Variants in ELMO1 observed in about 807,000 individuals in gnomAD.
The protein encoded by ELMO1 is engulfment and cell motility protein 1.
A neutral mutation model predicts 98.9 loss-of-function variants in ELMO1; 26 were observed. The observed-to-expected ratio is 0.26, with a 90% CI of 0.19 to 0.36. The LOEUF (loss-of-function observed/expected upper bound fraction) is 0.36. Among genes scored for constraint, ELMO1 ranks in the 10% least tolerant of loss-of-function variants. The pLI is 1.00. For missense variants in ELMO1, 627 were observed against 935.2 expected, an observed-to-expected ratio of 0.67 and a Z score of 4.30; for synonymous variants, 346 against 346.0, an observed-to-expected ratio of 1.00 and a Z score of 0.00.
chr7:36,870,762 C>T lies in ELMO1; in HGVS notation c.1823-287G>A, dbSNP rs571138461. Among the ~76,000 whole-genome samples the T allele has an allele frequency of 4.0e-4, 61 of 152,318 alleles. No homozygotes were observed. Among genetic ancestry groups the T allele is most frequent in the Non-Finnish European group, 4.3e-4 (29 of 68,038 alleles). ...ACCTAAAAAAACACCCATCATAGTA[C>T]TGTTTGAAGTCATGGCATTAGAAGC... On this transcript the variant is annotated intron_variant, in intron 19 of 21. Transcript: ENST00000310758. This position sits in a 1 kb window ranked among gnomAD's most constrained non-coding sequence, Gnocchi z 4.4.
At chr7:37,172,453 G>GACATCCTT (rs1790229547) in intron 13 of ELMO1, among the ~76,000 whole-genome samples, 1 of 152,126 alleles carries the variant, frequency 6.6e-6, no homozygotes, top group African/African-American at 2.4e-5. Context: ...GACATTTCAA[G>GACATCCTT]ACATCCTTCA....
Position 37,210,777 on chromosome 7 carries a change from GTCAC to G in ELMO1, c.1086+605_1086+608del, listed in dbSNP as rs1432514299. On this transcript the variant is annotated intron_variant, in intron 13 of 21. Transcript: ENST00000310758. ...CTGCAGAATTTGATATTAGCCGAAG[GTCAC>G]TCAGAGACTTCATGGGGAGAAAATC... Among the ~76,000 whole-genome samples the G allele has an allele frequency of 2.6e-5, 4 of 152,088 alleles. No homozygotes were observed. In the South Asian group the frequency reaches 6.2e-4, roughly 24 times the overall value.
intron 16 of ELMO1, among the ~76,000 whole-genome samples, chr7:36,970,116 T>A (rs929628317): frequency 1.3e-5 from 2 of 151,868 alleles, no homozygotes; most frequent in Non-Finnish European, 2.9e-5. Flanking sequence ...GTATTCATTT[T>A]TCAGGCTCTC....
chr7:37,143,535 T>C (rs1787776991), intron 13 of ELMO1, among the ~76,000 whole-genome samples: 1 of 151,416 alleles, frequency 6.6e-6, no homozygotes, highest in African/African-American at 2.4e-5. Context: ...GCCTCCTGAG[T>C]AGCTGGGACT....
chr7:37,204,285 T>G (rs1369798074), intron 13 of ELMO1: 3 of 451,086 alleles, frequency 6.7e-6, no homozygotes, highest in South Asian at 1.6e-5. Flanking sequence ...GTTTGTTCCT[T>G]CTGATGTTCG....
intron 16 of ELMO1, among the ~76,000 whole-genome samples, chr7:36,956,042 A>G (rs189867258): frequency 4.3e-4 from 66 of 152,288 alleles, no homozygotes; most frequent in Middle Eastern, 3.4e-3. Context: ...CTAGGTCTTA[A>G]CACAGTGTCG....
At chr7:37,368,020 T>A (rs1255912469) in intron 1 of ELMO1, among the ~76,000 whole-genome samples, 1 of 152,200 alleles carries the variant, frequency 6.6e-6, no homozygotes, top group Non-Finnish European at 1.5e-5. Flanking sequence ...AAATTAGGAA[T>A]GGCAGAAAGC....
At chr7:37,040,256 CA>C (rs1795427524) in intron 15 of ELMO1, among the ~76,000 whole-genome samples, 2 of 152,102 alleles carry the variant, frequency 1.3e-5, no homozygotes, top group African/African-American at 4.8e-5. Context: ...CCTCAAAGCA[CA>C]AAACTAAATA....
At chr7:37,360,588 G>A (rs150338655) in intron 1 of ELMO1, among the ~76,000 whole-genome samples, 21 of 152,174 alleles carry the variant, frequency 1.4e-4, no homozygotes, top group Non-Finnish European at 2.1e-4. Flanking sequence ...GGTAGTCCTC[G>A]GTATACCCAG....
At chr7:37,297,804 C>T (rs952787867) in intron 4 of ELMO1, among the ~76,000 whole-genome samples, 2 of 152,108 alleles carry the variant, frequency 1.3e-5, no homozygotes, top group African/African-American at 4.8e-5. Context: ...CTTGTTTAAT[C>T]CTCATTATAT....
rs989870007 is a variant in ELMO1 at position 37,240,962 on chromosome 7, C to T, written c.449+3394G>A. On this transcript the variant is annotated intron_variant, in intron 7 of 21. Coordinates refer to ENST00000310758, the MANE Select transcript of ELMO1 (RefSeq NM_014800.11). ...ATTGAGTCTGATGCTTTATAAATGA[C>T]AATTAAGGCAAGACCTTTGATAGTG... is the stretch of plus-strand genomic sequence containing the variant. Among the ~76,000 whole-genome samples the T allele has an allele frequency of 4.6e-5, 7 of 152,122 alleles. No homozygotes were observed. In the East Asian group the frequency reaches 9.6e-4, roughly 21 times the overall value.
At chr7:37,327,149 C>G (rs559050237) in intron 2 of ELMO1, among the ~76,000 whole-genome samples, 1 of 152,338 alleles carries the variant, frequency 6.6e-6, no homozygotes, top group South Asian at 2.1e-4. Flanking sequence ...TGACTCTAGA[C>G]GCACAGAAGG....
chr7:36,920,986 T>C (rs1205623812), intron 16 of ELMO1, among the ~76,000 whole-genome samples: 1 of 152,186 alleles, frequency 6.6e-6, no homozygotes, highest in East Asian at 1.9e-4. Context: ...GATTAGGTCA[T>C]GAAGATTCTG....
intron 15 of ELMO1, among the ~76,000 whole-genome samples, chr7:37,092,464 C>T (rs953009965): frequency 4.0e-5 from 6 of 149,464 alleles, no homozygotes; most frequent in South Asian, 4.2e-4. Flanking sequence ...CTGCAAGCTC[C>T]GCCTCCCAGG....
At chr7:37,033,046 ATG>A (rs1794964039) in intron 15 of ELMO1, among the ~76,000 whole-genome samples, 1 of 152,174 alleles carries the variant, frequency 6.6e-6, no homozygotes, top group South Asian at 2.1e-4. Context: ...ATATTTCTGA[ATG>A]TGTTTTTCCT....
At chr7:37,398,691 T>C (rs1191329313) in intron 1 of ELMO1, among the ~76,000 whole-genome samples, 1 of 152,062 alleles carries the variant, frequency 6.6e-6, no homozygotes, top group Admixed American at 6.5e-5. Flanking sequence ...TCATCCTAAG[T>C]TTTCTGCTGC....
In ELMO1 at chr7:36,955,518, A is replaced by T. The variant is rs114267437; in HGVS notation, c.1437+57781T>A. Among the ~76,000 whole-genome samples, 461 of 152,354 alleles carry T rather than the reference A, an allele frequency of 3.0e-3. 2 individuals are homozygous for T. Among genetic ancestry groups the T allele is most frequent in the African/African-American group, 0.011 (441 of 41,574 alleles). On this transcript the variant is annotated intron_variant, in intron 16 of 21. Coordinates refer to ENST00000310758, the MANE Select transcript of ELMO1 (RefSeq NM_014800.11). ...TCCAATTCTGCATTATTTCAGTACA[A>T]TAATCTGATTTCTGAATATCTTGGA...
rs138030712 is a variant in ELMO1, at chr7:36,963,144, G to A, written c.1437+50155C>T. ...TCACGCCTGTAATCCCAGCACTTTGGGAGGCCGAGGTGGGCAGATCACGAG... is the reference window on the plus strand; with the variant it reads ...TCACGCCTGTAATCCCAGCACTTTGAGAGGCCGAGGTGGGCAGATCACGAG... On this transcript the variant is annotated intron_variant, in intron 16 of 21. Transcript: ENST00000310758. 4.1e-3 allele frequency among the ~76,000 whole-genome samples: 621 copies of A among 152,170 alleles called. 2 individuals carry two copies. Among genetic ancestry groups the A allele is most frequent in the Non-Finnish European group, 6.3e-3 (430 of 67,996 alleles).
intron 1 of ELMO1, among the ~76,000 whole-genome samples, chr7:37,366,388 C>G (rs1170879547): frequency 6.6e-6 from 1 of 152,178 alleles, no homozygotes; most frequent in East Asian, 1.9e-4. Flanking sequence ...ATCACTTCAT[C>G]ACACGTAGGG....
Sources: allele counts gnomAD v4.1 joint callset (sites outside exome capture counted in the v4.1 genomes callset), GRCh38; gene constraint gnomAD v4.1.1; non-coding constraint Gnocchi (gnomAD v3.1); transcripts MANE v1.5; gene names NCBI Gene and HGNC (gene_info 2026-07-23, HGNC 2026-07-21).